PXDN: variants seen among roughly 807,000 people sequenced by gnomAD.
PXDN encodes the protein peroxidasin.
In PXDN, 77 loss-of-function variants were observed where a neutral mutation model predicts 140.3. The ratio of observed to expected loss-of-function variants is 0.55; its 90% CI spans 0.46 to 0.66. The LOEUF (loss-of-function observed/expected upper bound fraction) is 0.66. PXDN is among the 30% of genes least tolerant of loss of function. The probability of loss-of-function intolerance (pLI) is 0.00; values close to 1 mark genes in which losing one functional copy is unlikely to be tolerated. For missense variants in PXDN, 1,838 were observed against 2,039.5 expected, an observed-to-expected ratio of 0.90 and a Z score of 1.90; for synonymous variants, 911 against 857.4, an observed-to-expected ratio of 1.06 and a Z score of -1.09.
chr2:1,729,450 C>T (rs537644782), intron 1 of PXDN, among the ~76,000 whole-genome samples: 5 of 152,180 alleles, frequency 3.3e-5, no homozygotes, highest in South Asian at 4.1e-4. Flanking sequence ...AACATCCATC[C>T]GCAGGATAAT....
chr2:1,661,104 G>C, intron 13 of PXDN, 67 bp from the exon 14 acceptor site: 1 of 1,570,950 alleles, frequency 6.4e-7, no homozygotes, highest in East Asian at 2.3e-5. Flanking sequence ...TCTGACCTAG[G>C]GTTGGGGGAG....
chr2:1,689,019 C>T (rs1011124155), intron 3 of PXDN, among the ~76,000 whole-genome samples: 3 of 152,130 alleles, frequency 2.0e-5, no homozygotes, highest in Non-Finnish European at 4.4e-5. Flanking sequence ...TAAAGAGTTA[C>T]AAGCCTTAAC....
chr2:1,733,687 A>G (rs1274802369), intron 1 of PXDN, among the ~76,000 whole-genome samples: 1 of 141,752 alleles, frequency 7.1e-6, no homozygotes, highest in African/African-American at 2.6e-5. Context: ...GGCTGCAGTG[A>G]GCCGAGATGG....
intron 1 of PXDN, among the ~76,000 whole-genome samples, chr2:1,709,540 TC>T (rs934230369): frequency 9.2e-5 from 14 of 152,134 alleles, no homozygotes; most frequent in African/African-American, 3.1e-4. Flanking sequence ...AGCTTCCCTT[TC>T]TTTATCTCAA....
intron 1 of PXDN, among the ~76,000 whole-genome samples, chr2:1,722,973 G>T (rs1054437802): frequency 1.3e-5 from 2 of 152,238 alleles, no homozygotes; most frequent in South Asian, 4.1e-4. Flanking sequence ...GTGGATGGAT[G>T]GATGCACGCA....
chr2:1,644,071 CAAAAAAAAAAA>C (rs74164529), intron 18 of PXDN, among the ~76,000 whole-genome samples: 6 of 38,448 alleles, frequency 1.6e-4, no homozygotes, highest in South Asian at 2.1e-3. Flanking sequence ...GACTCTGTCT[CAAAAAAAAAAA>C]AAAAAAAAAA....
chr2:1,689,286 A>G (rs1043869375), intron 3 of PXDN, among the ~76,000 whole-genome samples: 1 of 152,250 alleles, frequency 6.6e-6, no homozygotes, highest in East Asian at 1.9e-4. Context: ...ACTTCTACAG[A>G]AGGCAAGTTT....
rs1034422582 is a variant in PXDN, at chr2:1,687,472, C to G, written c.416+160G>C. On this transcript the variant is annotated intron_variant, in intron 4 of 22. Coordinates refer to ENST00000252804, the MANE Select transcript of PXDN (RefSeq NM_012293.3). This position sits in a 1 kb window ranked among gnomAD's most constrained non-coding sequence, Gnocchi z 4.0. ...AAGGCGGGGCGGAGGGCAAATGACTCGCCCATCCCTGTTTTTCCGTCATCA... is the reference window on the plus strand; with the variant it reads ...AAGGCGGGGCGGAGGGCAAATGACTGGCCCATCCCTGTTTTTCCGTCATCA... Among the ~76,000 whole-genome samples, 1 of 152,190 alleles carries G rather than the reference C, an allele frequency of 6.6e-6. No individual in the cohort carries two copies. Among genetic ancestry groups the G allele is most frequent in the Non-Finnish European group, 1.5e-5 (1 of 68,032 alleles).
In PXDN at chr2:1,666,249, T is replaced by C. The variant is rs1399557626; in HGVS notation, c.1256A>G (p.Asp419Gly). ...GATGAAAGCGGTGGCATGGACGCTG[T>C]CAATGTTGTTGGTCGCAGAGCACGC... ...EYACSATNNI[D>G]SVHATAFIIV... Residue 419 changes from aspartate to glycine, a missense_variant, in exon 10 of 23, where the codon GAC becomes GGC. Coordinates refer to ENST00000252804, the MANE Select transcript of PXDN (RefSeq NM_012293.3). 6.2e-7 allele frequency: 1 copy of C among 1,613,906 alleles called. No homozygotes were observed. Among genetic ancestry groups the C allele is most frequent in the East Asian group, 2.2e-5 (1 of 44,894 alleles).
chr2:1,665,913 C>CCA (rs960722688), intron 10 of PXDN, among the ~76,000 whole-genome samples: 2 of 151,960 alleles, frequency 1.3e-5, no homozygotes, highest in East Asian at 1.9e-4. Flanking sequence ...GTGTGCACAC[C>CCA]CACACACACA....
At chr2:1,732,331 C>T (rs1488028457) in intron 1 of PXDN, among the ~76,000 whole-genome samples, 1 of 152,138 alleles carries the variant, frequency 6.6e-6, no homozygotes, top group African/African-American at 2.4e-5. Flanking sequence ...TGCAGAGCGT[C>T]CAGCACTGAG....
intron 19 of PXDN, among the ~76,000 whole-genome samples, chr2:1,640,919 G>A (rs1453433319): frequency 6.6e-6 from 1 of 152,116 alleles, no homozygotes; most frequent in East Asian, 1.9e-4. Flanking sequence ...ACTCTTTGAT[G>A]GGACCTCCGT....
At chr2:1,684,898 C>T (rs1373174112) in intron 4 of PXDN, among the ~76,000 whole-genome samples, 2 of 152,198 alleles carry the variant, frequency 1.3e-5, no homozygotes, top group East Asian at 3.8e-4. Flanking sequence ...CCCTGGGGTG[C>T]TCTGCTGGGA....
At chr2:1,742,877 T>A (rs551235226) in intron 1 of PXDN, among the ~76,000 whole-genome samples, 1 of 152,320 alleles carries the variant, frequency 6.6e-6, no homozygotes, top group African/African-American at 2.4e-5. Flanking sequence ...CTGGGAGCCG[T>A]GGTCTGTCCC....
At position 1,707,864 on chromosome 2, in the gene PXDN, C is replaced by T. The variant is rs112346715; in HGVS notation, c.201-14730G>A. 2.9e-3 allele frequency among the ~76,000 whole-genome samples: 443 copies of T among 152,242 alleles called. 6 individuals carry two copies. Among genetic ancestry groups the T allele is most frequent in the African/African-American group, 0.01 (432 of 41,514 alleles). On this transcript the variant is annotated intron_variant, in intron 1 of 22. Transcript: ENST00000252804. ...AAGAAGAATCACCATTTAAGAGGAGCCCATTTAGGATCTACGTTTTACCAC... is the reference window on the plus strand; with the variant it reads ...AAGAAGAATCACCATTTAAGAGGAGTCCATTTAGGATCTACGTTTTACCAC...
In PXDN at chr2:1,714,794, G is replaced by A. The variant is rs1047775141; in HGVS notation, c.201-21660C>T. On this transcript the variant is annotated intron_variant, in intron 1 of 22. Transcript: ENST00000252804. The surrounding 1 kb of genome is among the most constrained non-coding windows in gnomAD (Gnocchi z 4.3). ...GAAATGCAAAGTGCATAGCTCTTGG[G>A]CCGGACAAACCAGGCCTGGGTCAGA... Among the ~76,000 whole-genome samples, 1 of 152,084 alleles carries A rather than the reference G, an allele frequency of 6.6e-6. No individual in the cohort carries two copies. The highest frequency in any genetic ancestry group is 1.5e-5 in the Non-Finnish European group (1 of 68,036).
chr2:1,729,279 C>T (rs1260803434), intron 1 of PXDN, among the ~76,000 whole-genome samples: 1 of 152,206 alleles, frequency 6.6e-6, no homozygotes, highest in Non-Finnish European at 1.5e-5. Flanking sequence ...AACATGAGCA[C>T]TTACACAGGC....
At chr2:1,684,231 A>G (rs548354819) in intron 4 of PXDN, 80 bp from the exon 5 acceptor site, 1 of 1,212,646 alleles carries the variant, frequency 8.2e-7, no homozygotes, top group African/African-American at 1.5e-5. Flanking sequence ...TTTTTTTCCT[A>G]GTCATTTCAA....
At chr2:1,740,418 G>A (rs1462146782) in intron 1 of PXDN, among the ~76,000 whole-genome samples, 1 of 152,146 alleles carries the variant, frequency 6.6e-6, no homozygotes, top group Non-Finnish European at 1.5e-5. Context: ...CAGGAAGTCA[G>A]TTAAAAGGCC....
Sources: allele counts gnomAD v4.1 joint callset (sites outside exome capture counted in the v4.1 genomes callset), GRCh38; gene constraint gnomAD v4.1.1; non-coding constraint Gnocchi (gnomAD v3.1); transcripts MANE v1.5; gene names NCBI Gene and HGNC (gene_info 2026-07-23, HGNC 2026-07-21).